NAV2: variants seen among roughly 807,000 people sequenced by gnomAD.
NAV2 encodes the protein helicase, APC down-regulated 1.
In NAV2, 54 loss-of-function variants were observed where a neutral mutation model predicts 223.2. That is an observed-to-expected ratio of 0.24 (90% confidence interval 0.19 to 0.30). The LOEUF is 0.30. NAV2 is among the 10% of genes least tolerant of loss of function. The pLI, the probability that NAV2 is intolerant of heterozygous loss-of-function variation, is 1.00. For missense variants in NAV2, 2,806 were observed against 3,147.5 expected (o/e 0.89, Z 2.60); for synonymous variants, 1,279 against 1,239.3 (o/e 1.03, Z -0.67).
intron 1 of NAV2, among the ~76,000 whole-genome samples, chr11:19,527,597 G>A (rs2043881139): frequency 6.6e-6 from 1 of 151,780 alleles, no homozygotes. Flanking sequence ...TCCTAGCCTG[G>A]ACATGGTAGC....
chr11:19,672,924 G>T (rs2048610645), intron 1 of NAV2, among the ~76,000 whole-genome samples: 1 of 152,194 alleles, frequency 6.6e-6, no homozygotes, highest in Non-Finnish European at 1.5e-5. Flanking sequence ...ATATAGATTT[G>T]TAAGTGTTTG....
intron 11 of NAV2, among the ~76,000 whole-genome samples, chr11:20,012,029 G>A (rs12420999): frequency 0.042 from 6,465 of 152,258 alleles, 281 homozygotes; most frequent in Admixed American, 0.072. Context: ...GCATAGTCTC[G>A]AGTATCTTCT....
intron 1 of NAV2, among the ~76,000 whole-genome samples, chr11:19,624,573 C>T (rs2047106882): frequency 1.3e-5 from 2 of 152,202 alleles, no homozygotes; most frequent in Non-Finnish European, 2.9e-5. Flanking sequence ...GATATAATCT[C>T]CTGGTGTGCC....
At chr11:20,073,709 T>C (rs2059547653) in intron 22 of NAV2, among the ~76,000 whole-genome samples, 1 of 152,202 alleles carries the variant, frequency 6.6e-6, no homozygotes, top group Non-Finnish European at 1.5e-5. Flanking sequence ...CTAGATTTTC[T>C]AGTTTGCTTA....
rs150099481 is a variant in NAV2 at position 19,478,633 on chromosome 11, A to G, written c.75+127606A>G. ...TGCAAATACAAAGATAAGTGCAACA[A>G]GGAGATAGTGCCCAATCTAAGCCTT... On this transcript the variant is annotated intron_variant, in intron 1 of 37. Coordinates refer to the NAV2 transcript ENST00000360655. Among the ~76,000 whole-genome samples the G allele has an allele frequency of 2.2e-3, 337 of 152,362 alleles. 1 individual carries two copies. Among genetic ancestry groups the G allele is most frequent in the African/African-American group, 7.7e-3 (321 of 41,590 alleles).
At chr11:19,425,971 A>C (rs1850810566) in intron 1 of NAV2, among the ~76,000 whole-genome samples, 1 of 152,178 alleles carries the variant, frequency 6.6e-6, no homozygotes, top group East Asian at 1.9e-4. Context: ...ACAGAGAAAG[A>C]GGGAAGTAGA....
At chr11:20,059,579 TA>T (rs1034218545) in intron 19 of NAV2, among the ~76,000 whole-genome samples, 1 of 150,962 alleles carries the variant, frequency 6.6e-6, no homozygotes, top group African/African-American at 2.4e-5. Context: ...AAAGGCTCTT[TA>T]AAAAAAAACA....
At chr11:19,531,241 G>T (rs1349249220) in intron 1 of NAV2, among the ~76,000 whole-genome samples, 1 of 152,180 alleles carries the variant, frequency 6.6e-6, no homozygotes. Flanking sequence ...TGGAAAGAAA[G>T]AAATATATGT....
intron 5 of NAV2, among the ~76,000 whole-genome samples, chr11:19,884,123 A>G (rs2063380875): frequency 6.6e-6 from 1 of 152,228 alleles, no homozygotes; most frequent in Admixed American, 6.5e-5. Context: ...AAATCTATCA[A>G]ATCAGTAAAC....
At chr11:19,992,707 C>G (rs1055474593) in intron 11 of NAV2, among the ~76,000 whole-genome samples, 1 of 151,140 alleles carries the variant, frequency 6.6e-6, no homozygotes, top group African/African-American at 2.4e-5. Context: ...TCTGCCTCAG[C>G]CTCCTGAGTA....
intron 1 of NAV2, among the ~76,000 whole-genome samples, chr11:19,629,773 A>G (rs2047292769): frequency 1.3e-5 from 2 of 152,114 alleles, no homozygotes; most frequent in Admixed American, 1.3e-4. Flanking sequence ...GAAGGGCACC[A>G]ATGTATTTAC....
At chr11:19,349,839 T>A (rs528869083), upstream of NAV2, among the ~76,000 whole-genome samples, 18 of 152,254 alleles carry the variant, frequency 1.2e-4, no homozygotes, top group Non-Finnish European at 2.4e-4. Context: ...TTCTGTGACG[T>A]CAGCCGGGAG....
rs377092650 is a variant in NAV2, at chr11:20,067,431, AT to A, written c.4885-747del. On this transcript the variant is annotated intron_variant, in intron 20 of 37. Coordinates refer to ENST00000349880, the MANE Select transcript of NAV2 (RefSeq NM_145117.5). ...ATGTGAAATTTAGATTAACAACAAA[AT>A]TTTTTTTAGTATAAATATGTCCCTA... 1.7e-3 allele frequency among the ~76,000 whole-genome samples: 259 copies of A among 152,014 alleles called. 1 individual carries two copies. Among genetic ancestry groups the A allele is most frequent in the African/African-American group, 6.0e-3 (249 of 41,472 alleles).
At chr11:19,500,019 C>T (rs1396632934) in intron 1 of NAV2, among the ~76,000 whole-genome samples, 3 of 152,048 alleles carry the variant, frequency 2.0e-5, no homozygotes, top group Non-Finnish European at 4.4e-5. Context: ...CACACACACG[C>T]ACACACACAC....
intron 11 of NAV2, among the ~76,000 whole-genome samples, chr11:20,024,633 C>T (rs1348360618): frequency 2.6e-5 from 4 of 152,252 alleles, no homozygotes; most frequent in Non-Finnish European, 5.9e-5. Flanking sequence ...TCGCTTTCCT[C>T]TTACCCCAAG....
upstream of NAV2, among the ~76,000 whole-genome samples, chr11:19,347,297 G>T (rs187113951): frequency 6.6e-6 from 1 of 152,348 alleles, no homozygotes; most frequent in East Asian, 1.9e-4. Flanking sequence ...TTTTACTGCA[G>T]GAAGGGACTT....
chr11:19,780,729 A>G (rs1350388538), intron 1 of NAV2, among the ~76,000 whole-genome samples: 1 of 152,236 alleles, frequency 6.6e-6, no homozygotes, highest in Non-Finnish European at 1.5e-5. Context: ...TTCTGCAATT[A>G]GTTGGTGGTC....
chr11:19,568,901 C>T (rs4338501), intron 1 of NAV2, among the ~76,000 whole-genome samples: 36,804 of 152,094 alleles, frequency 0.24, 4,559 homozygotes, highest in East Asian at 0.33. Flanking sequence ...ATGTACTGCC[C>T]TGGGTCTCCT....
intron 1 of NAV2, among the ~76,000 whole-genome samples, chr11:19,656,844 A>T (rs2048142558): frequency 6.6e-6 from 1 of 152,194 alleles, no homozygotes. Flanking sequence ...TATTTTATAG[A>T]TGGAGCTGGC....
Sources: allele counts gnomAD v4.1 joint callset (sites outside exome capture counted in the v4.1 genomes callset), GRCh38; gene constraint gnomAD v4.1.1; transcripts MANE v1.5; gene names NCBI Gene and HGNC (gene_info 2026-07-23, HGNC 2026-07-21).